The following RASSF6 variants were observed in gnomAD, a reference collection of about 807,000 sequenced individuals.
RASSF6 encodes Ras association domain family member 6, also known as ras association domain-containing protein 6.
Under a neutral mutation model 44.0 loss-of-function variants are expected in RASSF6, and 52 were observed. The observed-to-expected ratio is 1.18, with a 90% CI of 0.95 to 1.49. RASSF6 has a LOEUF of 1.49. RASSF6 is among the 40% of genes most tolerant of loss of function. RASSF6 has a pLI of 0.00. For missense variants in RASSF6, 464 were observed against 393.3 expected (o/e 1.18, Z -1.52); for synonymous variants, 162 against 124.6 (o/e 1.30, Z -2.00).
chr4:73,587,915 A>G lies in RASSF6; in HGVS notation c.307T>C (p.Phe103Leu), dbSNP rs148631523. ...SSKGMTRWGEFDDLYRISELD... is the reference protein window; with the variant it reads ...SSKGMTRWGELDDLYRISELD... ...TCACTAATACGATAGAGATCGTCAAATTCCCCCCAGCGTGTCATTCTGAGA... is the reference window on the plus strand; with the variant it reads ...TCACTAATACGATAGAGATCGTCAAGTTCCCCCCAGCGTGTCATTCTGAGA... The change falls in exon 5 of 11, where the codon TTT becomes CTT. Residue 103 changes from phenylalanine (F) to leucine (L), a missense_variant. By Grantham distance (22) the Phe-to-Leu change is conservative. Transcript: ENST00000307439. The G allele has an allele frequency of 7.9e-5, 127 of 1,608,912 alleles. No individual in the cohort carries two copies. The African/African-American group carries it at 1.7e-3, about 21-fold the overall frequency.
chr4:73,588,795 A>ATCATCATCG (rs1055286009), intron 4 of RASSF6, among the ~76,000 whole-genome samples: 1 of 151,270 alleles, frequency 6.6e-6, no homozygotes, highest in Non-Finnish European at 1.5e-5. Flanking sequence ...CATCATCATC[A>ATCATCATCG]TCATCATCAT....
In RASSF6 at chr4:73,572,123, G is replaced by A. The variant is rs1236096730; in HGVS notation, c.*4112C>T. The A allele has an allele frequency of 6.6e-6, 1 of 152,162 alleles. No homozygotes were observed. The highest frequency in any genetic ancestry group is 6.5e-5 in the Admixed American group (1 of 15,276). The allele number at this position is 152,162 out of a possible 1,614,324, so 9.4% of individuals were successfully genotyped here. A position where few individuals can be genotyped will look rare whatever the true frequency, so the allele number is the denominator to read the frequency against. On this transcript the variant is annotated 3_prime_UTR_variant, in exon 11 of 11. Transcript: ENST00000307439. ...CTATTAGACAGGGCTGCAGTCATCT[G>A]AAGGCTTGACTGAGGCTGGAAGATC...
intron 3 of RASSF6, among the ~76,000 whole-genome samples, chr4:73,596,701 C>T (rs756445694): frequency 2.6e-5 from 4 of 152,170 alleles, no homozygotes; most frequent in Non-Finnish European, 5.9e-5. Flanking sequence ...CTGGAGGCAT[C>T]ACACTACCTG....
chr4:73,607,172 T>C (rs1161560122), intron 2 of RASSF6, among the ~76,000 whole-genome samples: 1 of 152,248 alleles, frequency 6.6e-6, no homozygotes, highest in East Asian at 1.9e-4. Context: ...ATGTATCTAA[T>C]CATATCATCT....
At chr4:73,601,655 C>A (rs1017048431) in intron 2 of RASSF6, among the ~76,000 whole-genome samples, 12 of 152,318 alleles carry the variant, frequency 7.9e-5, no homozygotes, top group Admixed American at 7.2e-4. Context: ...CAAATTATAG[C>A]AATGGTGAAT....
intron 2 of RASSF6, among the ~76,000 whole-genome samples, chr4:73,601,347 G>T (rs1426990503): frequency 6.6e-6 from 1 of 152,210 alleles, no homozygotes; most frequent in Non-Finnish European, 1.5e-5. Context: ...TAACTGCAGA[G>T]ATGAGTAGTT....
rs753839339 is a variant in RASSF6 at position 73,576,321 on chromosome 4, G to A, written c.939-11C>T. ...TTTTCTTTATTGAATCTGAAAATGA[G>A]AAGAAGAAAGACTATTAAAAATTGG... On this transcript the variant is annotated splice_polypyrimidine_tract_variant and intron_variant, in intron 10 of 10. Transcript: ENST00000307439. 6.6e-7 allele frequency: 1 copy of A among 1,518,482 alleles called. No individual in the cohort carries two copies. Among genetic ancestry groups the A allele is most frequent in the South Asian group, 1.2e-5 (1 of 85,900 alleles). The allele number at this position is 1,518,482 out of a possible 1,614,324, so 94.1% of individuals were successfully genotyped here.
rs114693907 is a variant in RASSF6 at position 73,598,046 on chromosome 4, T to C, written c.144+594A>G. 3.4e-3 allele frequency among the ~76,000 whole-genome samples: 518 copies of C among 152,306 alleles called. 3 individuals are homozygous for C. Among genetic ancestry groups the C allele is most frequent in the Non-Finnish European group, 5.7e-3 (390 of 68,032 alleles). Reference sequence around the variant, plus strand: ...GCTCAATAGCTGGGTGAAGAAATAATCTGTACAACAAACCACCATGACACA... The same window carrying C: ...GCTCAATAGCTGGGTGAAGAAATAACCTGTACAACAAACCACCATGACACA... On this transcript the variant is annotated intron_variant, in intron 3 of 10. Transcript: ENST00000307439.
chr4:73,620,141 A>C, intron 1 of RASSF6, 147 bp downstream of exon 1: 1 of 429,420 alleles, frequency 2.3e-6, no homozygotes, highest in South Asian at 4.2e-5. Flanking sequence ...AGAAAATCAA[A>C]AGGAAAAGGC....
At chr4:73,585,597 A>G (rs1357281324) in intron 5 of RASSF6, among the ~76,000 whole-genome samples, 4 of 152,016 alleles carry the variant, frequency 2.6e-5, no homozygotes, top group Non-Finnish European at 5.9e-5. Flanking sequence ...CTTATGTTTC[A>G]TAAGAAATGA....
At chr4:73,614,252 C>T (rs183751949) in intron 1 of RASSF6, among the ~76,000 whole-genome samples, 13 of 152,322 alleles carry the variant, frequency 8.5e-5, no homozygotes, top group East Asian at 1.9e-4. Flanking sequence ...TGGATTATTG[C>T]GTCAGCCTAC....
Position 73,593,578 on chromosome 4 carries a change from GT to G in RASSF6, c.159del (p.Lys53AsnfsTer2). On this transcript the variant is annotated frameshift_variant, in exon 4 of 11. Transcript: ENST00000307439. LOFTEE classifies it high-confidence loss of function. ...ATGTCCAGCATTCCTTCAACAATTA[GT>G]TTGCCATCTTCAGTCTAAGGAAGAA... ...HILYGETEDGKLIVEGMLDIF... is the reference protein window; with the variant it reads ...HILYGETEDGXLIVEGMLDIF... The G allele has an allele frequency of 1.9e-6, 3 of 1,613,252 alleles. No homozygotes were observed. Among genetic ancestry groups the G allele is most frequent in the Non-Finnish European group, 2.5e-6 (3 of 1,179,644 alleles).
At position 73,576,627 on chromosome 4, in the gene RASSF6, C is replaced by A; in HGVS notation, c.826G>T (p.Glu276Ter). 1 of 1,612,610 alleles carries A rather than the reference C, an allele frequency of 6.2e-7. No individual in the cohort carries two copies. Among genetic ancestry groups the A allele is most frequent in the Middle Eastern group, 1.7e-4 (1 of 6,056 alleles). The change falls in exon 9 of 11, where the codon GAA (glutamate) becomes TAA (stop). Residue 276 changes from glutamate to a stop codon, truncating the protein, a stop_gained. Coordinates refer to ENST00000307439, the MANE Select transcript of RASSF6 (RefSeq NM_177532.5). LOFTEE classifies it high-confidence loss of function. ...GGTATTCATACATCACTGCTAATTT[C>A]TTCTGCATCTTTATCCATGAGGAAA... ...RIFLMDKDAE[E>*]ISSDVAQYIN...
chr4:73,597,969 G>T (rs1373627983), intron 3 of RASSF6, among the ~76,000 whole-genome samples: 1 of 152,166 alleles, frequency 6.6e-6, no homozygotes, highest in Admixed American at 6.5e-5. Context: ...CTATCAGAGG[G>T]TGGAATTTGG....
chr4:73,595,034 C>T (rs1372195780), intron 3 of RASSF6, among the ~76,000 whole-genome samples: 1 of 152,058 alleles, frequency 6.6e-6, no homozygotes, highest in East Asian at 1.9e-4. Context: ...CCAAGGACTG[C>T]CCCTTTTAAA....
At chr4:73,584,636 A>G (rs1723931382) in intron 6 of RASSF6, among the ~76,000 whole-genome samples, 1 of 152,138 alleles carries the variant, frequency 6.6e-6, no homozygotes, top group Non-Finnish European at 1.5e-5. Context: ...CTTTTATTTA[A>G]ATGTTCACGT....
Position 73,610,627 on chromosome 4 carries a change from T to TTC in RASSF6, c.65+1103_65+1104insGA, listed in dbSNP as rs565356791. 1.1e-3 allele frequency among the ~76,000 whole-genome samples: 170 copies of TTC among 152,324 alleles called. 2 individuals carry two copies. Among genetic ancestry groups the TTC allele is most frequent in the African/African-American group, 4.0e-3 (166 of 41,586 alleles). On this transcript the variant is annotated intron_variant, in intron 2 of 10. Coordinates refer to ENST00000307439, the MANE Select transcript of RASSF6 (RefSeq NM_177532.5). ...GAGTTGCCATTCCCCTTGCCTGGAA[T>TTC]ACCTGCGAAAGCTGCATGGCTTGCT...
chr4:73,606,944 T>A (rs888486132), intron 2 of RASSF6, among the ~76,000 whole-genome samples: 1 of 152,162 alleles, frequency 6.6e-6, no homozygotes, highest in Non-Finnish European at 1.5e-5. Context: ...GAGCCAGTGA[T>A]TCCCAGGGCC....
Position 73,578,915 on chromosome 4 carries a change from C to T in RASSF6, c.722-2184G>A, listed in dbSNP as rs1312095037. Among the ~76,000 whole-genome samples the T allele has an allele frequency of 2.6e-5, 4 of 151,804 alleles. No individual in the cohort carries two copies. In the East Asian group the frequency reaches 7.7e-4, roughly 29 times the overall value. ...GCATGAGCCACCGTGCCTGACACCC[C>T]CCTTCTCATCCTCTCATCTGCATTT... On this transcript the variant is annotated intron_variant, in intron 8 of 10. Transcript: ENST00000307439.
Sources: allele counts gnomAD v4.1 joint callset (sites outside exome capture counted in the v4.1 genomes callset), GRCh38; gene constraint gnomAD v4.1.1; transcripts MANE v1.5; gene names NCBI Gene and HGNC (gene_info 2026-07-23, HGNC 2026-07-21).